The following HSP90AA1 variants were observed in gnomAD, a reference collection of about 807,000 sequenced individuals.
HSP90AA1 encodes the protein heat shock protein HSP 90-alpha.
A neutral mutation model predicts 73.3 loss-of-function variants in HSP90AA1; 18 were observed. That is an observed-to-expected ratio of 0.25 (90% CI 0.17 to 0.36). The LOEUF (loss-of-function observed/expected upper bound fraction) is 0.36. HSP90AA1 is among the 10% of genes least tolerant of loss of function. The pLI, the probability that HSP90AA1 is intolerant of heterozygous loss-of-function variation, is 1.00. For synonymous variants in HSP90AA1, 477 were observed against 296.9 expected, an observed-to-expected ratio of 1.61 and a Z score of -6.24; for missense variants, 704 against 874.2, an observed-to-expected ratio of 0.81 and a Z score of 2.45.
At chr14:102,136,647 G>C (rs1202429988) in intron 1 of HSP90AA1, among the ~76,000 whole-genome samples, 1 of 151,056 alleles carries the variant, frequency 6.6e-6, no homozygotes, top group Non-Finnish European at 1.5e-5. Flanking sequence ...CAGCACTTCC[G>C]GAGGCCGAGG....
At position 102,118,473 on chromosome 14, in the gene HSP90AA1, T is replaced by G. The variant is rs189076261; in HGVS notation, c.156-16388A>C. ...CCAGTCTGGTCTTGGACTCCTGGAT[T>G]CAAGCGATCTGCCCACCTCAGCCTC... On this transcript the variant is annotated intron_variant, in intron 1 of 11. Transcript: ENST00000334701. Among the ~76,000 whole-genome samples the G allele has an allele frequency of 3.3e-5, 5 of 152,146 alleles. No individual in the cohort carries two copies. In the East Asian group the frequency reaches 9.7e-4, roughly 29 times the overall value.
intron 2 of HSP90AA1, among the ~76,000 whole-genome samples, chr14:102,092,060 T>G (rs371933979): frequency 5.9e-5 from 9 of 152,078 alleles, no homozygotes; most frequent in African/African-American, 1.9e-4. Flanking sequence ...TTTTCAGATT[T>G]TTTTTGTTAC....
chr14:102,088,613 C>T (rs1323501504), upstream of HSP90AA1, among the ~76,000 whole-genome samples: 3 of 152,228 alleles, frequency 2.0e-5, no homozygotes, highest in Non-Finnish European at 4.4e-5. Context: ...CCTGTGGTAG[C>T]TGTTGCGCAG....
At chr14:102,131,410 T>C (rs1295152544) in intron 1 of HSP90AA1, among the ~76,000 whole-genome samples, 1 of 152,174 alleles carries the variant, frequency 6.6e-6, no homozygotes, top group Non-Finnish European at 1.5e-5. Flanking sequence ...CCTGGATTAC[T>C]ACAGTTAGCT....
chr14:102,131,104 A>C (rs1179401167), intron 1 of HSP90AA1, among the ~76,000 whole-genome samples: 1 of 152,190 alleles, frequency 6.6e-6, no homozygotes, highest in Non-Finnish European at 1.5e-5. Context: ...TTGATTATTC[A>C]ACTGCCTTCT....
At chr14:102,086,491 TAAGTAAACCGAA>T in intron 1 of HSP90AA1, 113 bp from the exon 2 acceptor site, 2 of 1,217,312 alleles carry the variant, frequency 1.6e-6, no homozygotes, top group Non-Finnish European at 1.2e-6. Context: ...TTGCGAAGTT[TAAGTAAACCGAA>T]AATAGAAGGG....
upstream of HSP90AA1, among the ~76,000 whole-genome samples, chr14:102,087,346 CT>C (rs2049270702): frequency 6.6e-6 from 1 of 151,282 alleles, no homozygotes; most frequent in African/African-American, 2.4e-5. Context: ...GTCCGGGCGC[CT>C]TCTGGGGCCG....
chr14:102,087,311 T>C (rs1420420486), upstream of HSP90AA1: 14 of 335,140 alleles, frequency 4.2e-5, no homozygotes, highest in Non-Finnish European at 4.7e-5. Flanking sequence ...TCAATGCGCC[T>C]GCGCGGCCCG....
intron 1 of HSP90AA1, among the ~76,000 whole-genome samples, chr14:102,113,150 A>C (rs1215511233): frequency 1.3e-5 from 2 of 151,722 alleles, no homozygotes; most frequent in Non-Finnish European, 2.9e-5. Context: ...CAATCTCCCA[A>C]GTAGCTGGGA....
chr14:102,091,029 G>T (rs540478519), upstream of HSP90AA1, among the ~76,000 whole-genome samples: 1 of 152,184 alleles, frequency 6.6e-6, no homozygotes, highest in Non-Finnish European at 1.5e-5. Context: ...ACATGAACAT[G>T]TCTTCTTCAT....
chr14:102,128,084 A>C (rs971754754), intron 1 of HSP90AA1, among the ~76,000 whole-genome samples: 20 of 152,158 alleles, frequency 1.3e-4, no homozygotes, highest in African/African-American at 4.8e-4. Context: ...ACATGGGAGG[A>C]GGCAGTGCAG....
intron 1 of HSP90AA1, among the ~76,000 whole-genome samples, chr14:102,115,577 A>G (rs1301947385): frequency 6.6e-6 from 1 of 152,062 alleles, no homozygotes; most frequent in African/African-American, 2.4e-5. Context: ...ACAGTTATCA[A>G]ACTTTTTGAC....
At chr14:102,084,092 GAC>G (rs1392325156) in intron 6 of HSP90AA1, 109 bp from the exon 7 acceptor site, 4 of 906,376 alleles carry the variant, frequency 4.4e-6, no homozygotes, top group Admixed American at 2.0e-5. Context: ...GTATTTTTGA[GAC>G]AGTCTCACTC....
rs1267048104 is a variant in HSP90AA1, at chr14:102,081,553, G to GCAT, written c.*156_*158dup. ...CTGCTTTAGTGCCTAAGGTATCACAGCATCACTTAGTAGACAGAAATCTTA... is the reference window on the plus strand; with the variant it reads ...CTGCTTTAGTGCCTAAGGTATCACAGCATCATCACTTAGTAGACAGAAATCTTA... On this transcript the variant is annotated 3_prime_UTR_variant, in exon 11 of 11. Coordinates refer to ENST00000216281, the MANE Select transcript of HSP90AA1 (RefSeq NM_005348.4). 3.1e-6 allele frequency: 2 copies of GCAT among 643,158 alleles called. No individual in the cohort carries two copies. Among genetic ancestry groups the GCAT allele is most frequent in the African/African-American group, 3.6e-5 (2 of 54,902 alleles). 39.8% of individuals were successfully genotyped at this position (643,158 alleles called of 1,614,324 possible).
At chr14:102,085,609 T>A (rs2049210012) in intron 3 of HSP90AA1, 149 bp downstream of exon 3, 2 of 1,305,976 alleles carry the variant, frequency 1.5e-6, no homozygotes, top group African/African-American at 2.9e-5. Context: ...CACCAAGTCA[T>A]GCCATTACAC....
chr14:102,090,404 A>T (rs1256475985), upstream of HSP90AA1, among the ~76,000 whole-genome samples: 1 of 150,444 alleles, frequency 6.6e-6, no homozygotes, highest in Non-Finnish European at 1.5e-5. Flanking sequence ...CTCCTGCTTC[A>T]CCGCCTTTTC....
At chr14:102,083,333 TTTAACAG>T (rs1566718503) in intron 8 of HSP90AA1, 31 bp from the exon 9 acceptor site, 8 of 1,612,364 alleles carry the variant, frequency 5.0e-6, no homozygotes, top group Non-Finnish European at 6.8e-6. Context: ...TTTTAGACCT[TTTAACAG>T]TTAAGAATGG....
At chr14:102,125,221 T>C (rs575234271) in intron 1 of HSP90AA1, among the ~76,000 whole-genome samples, 13 of 152,162 alleles carry the variant, frequency 8.5e-5, no homozygotes, top group Non-Finnish European at 1.6e-4. Context: ...CTCCAACTCC[T>C]GGGCTGAAGT....
intron 2 of HSP90AA1, among the ~76,000 whole-genome samples, chr14:102,099,022 C>T (rs1243691081): frequency 2.0e-5 from 3 of 152,174 alleles, no homozygotes; most frequent in Admixed American, 6.5e-5. Context: ...GTACCTTCTC[C>T]AAAGTTAGAG....
Sources: allele counts gnomAD v4.1 joint callset (sites outside exome capture counted in the v4.1 genomes callset), GRCh38; gene constraint gnomAD v4.1.1; transcripts MANE v1.5; gene names NCBI Gene and HGNC (gene_info 2026-07-23, HGNC 2026-07-21).